LRRC37A2: variants seen among roughly 807,000 people sequenced by gnomAD.
LRRC37A2 encodes the protein leucine-rich repeat-containing protein 37A2.
Under a neutral mutation model 68.8 loss-of-function variants are expected in LRRC37A2, and 9 were observed. The observed-to-expected ratio is 0.13, with a 90% CI of 0.08 to 0.23. The LOEUF is 0.23. LRRC37A2 is among the 10% of genes least tolerant of loss of function. The probability of loss-of-function intolerance (pLI) is 1.00; values close to 1 mark genes in which losing one functional copy is unlikely to be tolerated. For synonymous variants in LRRC37A2, 63 were observed against 367.6 expected (o/e 0.17, Z 9.48); for missense variants, 168 against 950.4 (o/e 0.18, Z 10.82).
At chr17:46,940,513 T>C in the LRRC37A2 span, 2 of 1,613,810 alleles carry the variant, frequency 1.2e-6, no homozygotes, top group Non-Finnish European at 1.7e-6. Context: ...ATCCATAAAA[T>C]GGATTCTGAG....
the LRRC37A2 span, among the ~76,000 whole-genome samples, chr17:46,867,204 G>A: frequency 6.6e-6 from 1 of 152,236 alleles, no homozygotes; most frequent in African/African-American, 2.4e-5. Flanking sequence ...TTGAGGGCAG[G>A]ACCGTGTCCC....
At chr17:46,979,038 A>G in the LRRC37A2 span, 3 of 1,377,218 alleles carry the variant, frequency 2.2e-6, no homozygotes, top group Non-Finnish European at 2.8e-6. Context: ...CTCGGCGCGC[A>G]GTCCCGGGTG....
chr17:46,879,847 G>A, the LRRC37A2 span, among the ~76,000 whole-genome samples: 2 of 152,206 alleles, frequency 1.3e-5, no homozygotes, highest in African/African-American at 4.8e-5. Context: ...CCCAAGTGGA[G>A]TCCCATGTCT....
At chr17:46,803,344 G>A in the LRRC37A2 span, among the ~76,000 whole-genome samples, 1 of 152,206 alleles carries the variant, frequency 6.6e-6, no homozygotes, top group African/African-American at 2.4e-5. Context: ...GACCAGCCTT[G>A]CCAACATGGC....
chr17:46,820,141 C>T, the LRRC37A2 span, among the ~76,000 whole-genome samples: 1 of 152,190 alleles, frequency 6.6e-6, no homozygotes, highest in African/African-American at 2.4e-5. Context: ...TTGATCTGAG[C>T]CCCCCGTACC....
the LRRC37A2 span, among the ~76,000 whole-genome samples, chr17:46,903,808 G>A: frequency 6.7e-6 from 1 of 148,708 alleles, no homozygotes; most frequent in Non-Finnish European, 1.5e-5. Flanking sequence ...GGATGGGTGG[G>A]GTGGATAGAT....
the LRRC37A2 span, among the ~76,000 whole-genome samples, chr17:46,873,066 A>C: frequency 1.3e-5 from 2 of 148,986 alleles, no homozygotes; most frequent in Non-Finnish European, 3.0e-5. Context: ...GGGGTCCCCC[A>C]GTTGTCTCCC....
At chr17:46,964,982 G>A in the LRRC37A2 span, 1 of 152,316 alleles carries the variant, frequency 6.6e-6, no homozygotes, top group South Asian at 2.1e-4. Context: ...TAGTTACCAT[G>A]GCAACCTCAT....
At chr17:46,522,530 C>A (rs1427324433) in intron 4 of LRRC37A2, among the ~76,000 whole-genome samples, 3 of 92,300 alleles carry the variant, frequency 3.3e-5, no homozygotes, top group Admixed American at 1.0e-4. Flanking sequence ...CTGCAAGGTC[C>A]GCCTCCTGGG....
the LRRC37A2 span, chr17:46,930,156 C>T: frequency 6.5e-6 from 1 of 153,940 alleles, no homozygotes; most frequent in Non-Finnish European, 1.4e-5. Context: ...TCCCTCAGGA[C>T]CCATTCCTCC....
the LRRC37A2 span, among the ~76,000 whole-genome samples, chr17:46,970,620 G>A: frequency 6.6e-6 from 1 of 151,534 alleles, no homozygotes; most frequent in African/African-American, 2.4e-5. Context: ...TCAGTCGTCA[G>A]CTGAGCTTTT....
chr17:46,720,077 A>G, the LRRC37A2 span, among the ~76,000 whole-genome samples: 1 of 152,106 alleles, frequency 6.6e-6, no homozygotes, highest in Non-Finnish European at 1.5e-5. Context: ...TCCTCTTTTC[A>G]TGGTTTAGTC....
At chr17:46,909,641 G>A in the LRRC37A2 span, 6 of 152,228 alleles carry the variant, frequency 3.9e-5, no homozygotes, top group Non-Finnish European at 7.3e-5. Context: ...AGCTCTAGAC[G>A]CTGTGGCTTG....
At chr17:46,977,715 C>T in the LRRC37A2 span, among the ~76,000 whole-genome samples, 1 of 152,244 alleles carries the variant, frequency 6.6e-6, no homozygotes, top group Non-Finnish European at 1.5e-5. Context: ...TCCGTCTACT[C>T]ATCTGTCCGC....
the LRRC37A2 span, among the ~76,000 whole-genome samples, chr17:46,847,383 G>A: frequency 6.6e-6 from 1 of 152,350 alleles, no homozygotes; most frequent in African/African-American, 2.4e-5. Flanking sequence ...GTATAATGGG[G>A]ACAATCATGG....
chr17:46,868,456 C>T, the LRRC37A2 span, among the ~76,000 whole-genome samples: 9 of 152,124 alleles, frequency 5.9e-5, no homozygotes, highest in East Asian at 1.2e-3. Flanking sequence ...AATAGCTGGG[C>T]GTGGTGGCAC....
At chr17:46,793,861 CAGGAAGTGG>C in the LRRC37A2 span, among the ~76,000 whole-genome samples, 1 of 152,162 alleles carries the variant, frequency 6.6e-6, no homozygotes, top group African/African-American at 2.4e-5. Context: ...TGCCATCGGC[CAGGAAGTGG>C]AGGTGGAGTT....
the LRRC37A2 span, chr17:46,931,309 G>T: frequency 2.7e-6 from 2 of 736,462 alleles, no homozygotes; most frequent in Non-Finnish European, 5.0e-6. Context: ...CAACGTACAT[G>T]TTGAAAAACT....
chr17:46,827,037 A>G, the LRRC37A2 span, among the ~76,000 whole-genome samples: 1 of 152,154 alleles, frequency 6.6e-6, no homozygotes. Context: ...TCAGCTTCCC[A>G]GAGTGTTGGG....
Sources: allele counts gnomAD v4.1 joint callset (sites outside exome capture counted in the v4.1 genomes callset), GRCh38; gene constraint gnomAD v4.1.1; transcripts MANE v1.5; gene names NCBI Gene and HGNC (gene_info 2026-07-23, HGNC 2026-07-21).